MRTFA: variants seen among roughly 807,000 people sequenced by gnomAD.
MRTFA encodes the protein myocardin related transcription factor A.
MRTFA carries 20 observed loss-of-function variants against 83.5 expected under a neutral mutation model. The observed-to-expected ratio is 0.24, with a 90% CI of 0.17 to 0.35. The LOEUF (loss-of-function observed/expected upper bound fraction) is 0.35. MRTFA is among the 10% of genes least tolerant of loss of function. MRTFA has a pLI of 1.00. For synonymous variants in MRTFA, 659 were observed against 541.2 expected (o/e 1.22, Z -3.02); for missense variants, 1,200 against 1,224.7 (o/e 0.98, Z 0.30).
At position 40,418,409 on chromosome 22, in the gene MRTFA, C is replaced by T. The variant is rs538086886; in HGVS notation, c.2329G>A (p.Asp777Asn). 103 of 1,614,062 alleles carry T rather than the reference C, an allele frequency of 6.4e-5. 2 individuals carry two copies. In the South Asian group the frequency reaches 9.6e-4, roughly 15 times the overall value. ...CTCCCACTGGACAGGCCAGGGCTGT[C>T]TGCATTCTTATTGGTCACGGTGAGG... Residue 777 changes from aspartate to asparagine, a missense_variant, in exon 12 of 15, where the codon GAC (aspartate) becomes AAC (asparagine). Asp to Asn is a conservative substitution (Grantham distance 23). Transcript: ENST00000355630.
chr22:40,492,335 A>C (rs1004268083), intron 3 of MRTFA, among the ~76,000 whole-genome samples: 2 of 152,104 alleles, frequency 1.3e-5, no homozygotes, highest in Admixed American at 1.3e-4. Context: ...GTGACAGCAG[A>C]AGGTCAGAAT....
chr22:40,573,067 TA>T (rs1403714795), intron 2 of MRTFA, among the ~76,000 whole-genome samples: 2 of 152,054 alleles, frequency 1.3e-5, no homozygotes, highest in African/African-American at 4.8e-5. Context: ...CCAGAATGGG[TA>T]AATCCACAGA....
intron 4 of MRTFA, among the ~76,000 whole-genome samples, chr22:40,441,443 T>G (rs2053271830): frequency 6.6e-6 from 1 of 152,176 alleles, no homozygotes; most frequent in South Asian, 2.1e-4. Context: ...ATTTGTCAAT[T>G]AAAGATATAA....
chr22:40,444,154 G>C lies in MRTFA; in HGVS notation c.308-8600C>G, dbSNP rs183169507. The stretch of plus-strand genomic sequence containing the variant: ...CAGCTAAAACAGGAAAGAACATACA[G>C]AGACTCCTAACATATTACAAACATA... On this transcript the variant is annotated intron_variant, in intron 4 of 14. Transcript: ENST00000355630. 7.3e-4 allele frequency among the ~76,000 whole-genome samples: 111 copies of C among 152,270 alleles called. 1 individual carries two copies. Among genetic ancestry groups the C allele is most frequent in the African/African-American group, 2.6e-3 (108 of 41,542 alleles).
At chr22:40,500,204 C>T (rs1396811915) in intron 3 of MRTFA, among the ~76,000 whole-genome samples, 2 of 150,150 alleles carry the variant, frequency 1.3e-5, no homozygotes, top group African/African-American at 4.9e-5. Context: ...GCTGGGATTA[C>T]AGGCATGAGC....
chr22:40,542,950 T>C (rs1442930266), intron 3 of MRTFA, among the ~76,000 whole-genome samples: 3 of 152,214 alleles, frequency 2.0e-5, no homozygotes, highest in Non-Finnish European at 2.9e-5. Context: ...GCTTTTGTTT[T>C]GTTTTGTGTT....
At chr22:40,477,263 T>C (rs980957446) in intron 3 of MRTFA, among the ~76,000 whole-genome samples, 1 of 145,874 alleles carries the variant, frequency 6.9e-6, no homozygotes, top group African/African-American at 2.6e-5. Flanking sequence ...GGCAGGAGAA[T>C]AGCTTGAACC....
chr22:40,505,851 AT>A (rs1386018406), intron 3 of MRTFA, among the ~76,000 whole-genome samples: 5 of 152,214 alleles, frequency 3.3e-5, no homozygotes, highest in African/African-American at 1.2e-4. Flanking sequence ...TTCTTAATAA[AT>A]TACCCAGTGT....
At chr22:40,500,352 T>A (rs1397514233) in intron 3 of MRTFA, among the ~76,000 whole-genome samples, 1 of 149,886 alleles carries the variant, frequency 6.7e-6, no homozygotes. Flanking sequence ...TTTTTTATTT[T>A]TTTTTTAACA....
intron 3 of MRTFA, among the ~76,000 whole-genome samples, chr22:40,480,880 C>G (rs2054078758): frequency 2.6e-5 from 4 of 151,004 alleles, no homozygotes; most frequent in Admixed American, 6.6e-5. Flanking sequence ...TCCCGAGTAT[C>G]TGGGATTACA....
chr22:40,584,759 C>T (rs1439037863), intron 2 of MRTFA, among the ~76,000 whole-genome samples: 3 of 148,808 alleles, frequency 2.0e-5, no homozygotes, highest in African/African-American at 7.4e-5. Flanking sequence ...AGCCAAGTCT[C>T]TTGAGCTGGG....
chr22:40,620,929 C>A (rs966718477), intron 1 of MRTFA, among the ~76,000 whole-genome samples: 1 of 152,100 alleles, frequency 6.6e-6, no homozygotes, highest in Non-Finnish European at 1.5e-5. Context: ...CGTCTGTAAT[C>A]CCAGCACTTT....
At chr22:40,444,893 C>T (rs1389619074) in intron 4 of MRTFA, among the ~76,000 whole-genome samples, 7 of 152,092 alleles carry the variant, frequency 4.6e-5, no homozygotes, top group Non-Finnish European at 1.0e-4. Context: ...TGTGGCGGCA[C>T]CCACTCTACA....
chr22:40,459,678 ACT>A (rs893550957), intron 4 of MRTFA, among the ~76,000 whole-genome samples: 2 of 149,430 alleles, frequency 1.3e-5, no homozygotes, highest in African/African-American at 2.5e-5. Context: ...AGTTTGTCAG[ACT>A]CTCTCTCTCA....
intron 3 of MRTFA, among the ~76,000 whole-genome samples, chr22:40,491,594 T>C (rs2147202980): frequency 6.6e-6 from 1 of 152,346 alleles, no homozygotes; most frequent in South Asian, 2.1e-4. Flanking sequence ...CTCCCATTTG[T>C]ATAGTACCTA....
At chr22:40,440,666 A>C (rs549049651) in intron 4 of MRTFA, among the ~76,000 whole-genome samples, 2 of 152,242 alleles carry the variant, frequency 1.3e-5, no homozygotes, top group South Asian at 4.1e-4. Flanking sequence ...TTTGAGGTGG[A>C]GAGGGCAACT....
Position 40,411,777 on chromosome 22 carries a change from A to T in MRTFA, c.2709T>A (p.Pro903=). The change falls in exon 15 of 15, where the codon CCT becomes CCA. Residue 903 remains proline, a synonymous_variant. Transcript: ENST00000355630. ...CAGGGAGGGAGGGTGAGCCTGGAGG[A>T]GGTGGGGCAGCCTGGGGGAGCTCAG... 1.3e-6 allele frequency: 2 copies of T among 1,533,650 alleles called. No individual in the cohort carries two copies. The highest frequency in any genetic ancestry group is 1.4e-5 in the African/African-American group (1 of 72,956).
intron 2 of MRTFA, among the ~76,000 whole-genome samples, chr22:40,567,426 A>AT (rs1206846388): frequency 6.6e-6 from 1 of 152,242 alleles, no homozygotes; most frequent in Non-Finnish European, 1.5e-5. Context: ...CACGCTACGT[A>AT]TAAGAGACCT....
chr22:40,460,632 G>C (rs1427092685), intron 4 of MRTFA, among the ~76,000 whole-genome samples: 5 of 152,298 alleles, frequency 3.3e-5, no homozygotes, highest in African/African-American at 1.2e-4. Flanking sequence ...TGGTGAAAGG[G>C]ACAAGTAGAT....
Sources: allele counts gnomAD v4.1 joint callset (sites outside exome capture counted in the v4.1 genomes callset), GRCh38; gene constraint gnomAD v4.1.1; transcripts MANE v1.5; gene names NCBI Gene and HGNC (gene_info 2026-07-23, HGNC 2026-07-21).